The following GRXCR2 variants were observed in gnomAD, a reference collection of about 807,000 sequenced individuals.
The protein encoded by GRXCR2 is glutaredoxin and cysteine rich domain containing 2, also known as glutaredoxin domain-containing cysteine-rich protein 2.
A neutral mutation model predicts 24.8 loss-of-function variants in GRXCR2; 23 were observed. That is an observed-to-expected ratio of 0.93 (90% confidence interval 0.67 to 1.32). GRXCR2 has a LOEUF of 1.32. Among genes scored for constraint, GRXCR2 ranks in the 40% most tolerant of loss-of-function variants. GRXCR2 has a pLI of 0.00. For synonymous variants in GRXCR2, 130 were observed against 116.1 expected (o/e 1.12, Z -0.77); for missense variants, 315 against 303.4 (o/e 1.04, Z -0.28).
chr5:145,913,788 G>A (rs2149926372), intron 2 of GRXCR2, among the ~76,000 whole-genome samples: 1 of 152,226 alleles, frequency 6.6e-6, no homozygotes, highest in Non-Finnish European at 1.5e-5. Context: ...TTCCCAAAGT[G>A]CTGGGATTAC....
At chr5:145,870,252 C>T (rs1756507351) in intron 1 of GRXCR2, among the ~76,000 whole-genome samples, 2 of 152,084 alleles carry the variant, frequency 1.3e-5, no homozygotes, top group Admixed American at 6.6e-5. Context: ...CTGCCCCCAG[C>T]CCCTGCCAAC....
At chr5:145,923,430 T>C (rs1252327762) in intron 2 of GRXCR2, among the ~76,000 whole-genome samples, 3 of 152,188 alleles carry the variant, frequency 2.0e-5, no homozygotes, top group African/African-American at 7.2e-5. Context: ...ATCAAGCGGT[T>C]TCACATGACT....
At chr5:145,923,014 TCAC>T (rs532347946) in intron 2 of GRXCR2, among the ~76,000 whole-genome samples, 245 of 152,304 alleles carry the variant, frequency 1.6e-3, no homozygotes, top group Admixed American at 2.8e-3. Context: ...TGGCCCTGGA[TCAC>T]CACATCAGTG....
chr5:145,923,478 A>G (rs1225579748), intron 2 of GRXCR2, among the ~76,000 whole-genome samples: 1 of 152,234 alleles, frequency 6.6e-6, no homozygotes, highest in Admixed American at 6.5e-5. Flanking sequence ...TGGAAGTGAC[A>G]GAGAAGTAAA....
At chr5:145,911,733 A>G (rs1490989080) in intron 2 of GRXCR2, among the ~76,000 whole-genome samples, 2 of 152,168 alleles carry the variant, frequency 1.3e-5, no homozygotes, top group African/African-American at 2.4e-5. Flanking sequence ...CATAGAATGT[A>G]TTCTACTCCT....
chr5:145,930,773 A>C (rs6580395), intron 2 of GRXCR2, among the ~76,000 whole-genome samples: 28,606 of 152,158 alleles, frequency 0.19, 2,906 homozygotes, highest in Non-Finnish European at 0.23. Context: ...TTCTTTTATG[A>C]GATCTACTTA....
chr5:145,929,593 GTTTTACCAATTACTTGGA>G (rs1000531111), intron 2 of GRXCR2, among the ~76,000 whole-genome samples: 10 of 152,156 alleles, frequency 6.6e-5, no homozygotes, highest in South Asian at 2.1e-4. Flanking sequence ...TACAGTTACA[GTTTTACCAATTACTTGGA>G]TTTTACCAAT....
chr5:145,889,168 C>CAAAAA lies in GRXCR2; in HGVS notation c.-69-22445_-69-22441dup, dbSNP rs534124544. ...TGGGTGACAGACCGAGACTCTGTCT[C>CAAAAA]AAAAAAAGAAAGAAAGAAAGAAAGA... On this transcript the variant is annotated intron_variant, in intron 2 of 3. Coordinates refer to the GRXCR2 transcript ENST00000639411. Among the ~76,000 whole-genome samples the CAAAAA allele has an allele frequency of 7.2e-4, 40 of 55,266 alleles. 1 individual carries two copies. Among genetic ancestry groups the CAAAAA allele is most frequent in the African/African-American group, 2.4e-3 (38 of 15,704 alleles). 36.3% of individuals were successfully genotyped at this position (55,266 alleles called of 152,430 possible).
intron 2 of GRXCR2, among the ~76,000 whole-genome samples, chr5:145,927,964 C>A (rs111425059): frequency 3.9e-5 from 6 of 152,226 alleles, no homozygotes; most frequent in African/African-American, 1.2e-4. Flanking sequence ...AGTAAACAGG[C>A]AACCTACAGA....
chr5:145,874,006 C>T (rs982313195), upstream of GRXCR2, among the ~76,000 whole-genome samples: 28 of 152,056 alleles, frequency 1.8e-4, no homozygotes, highest in Admixed American at 1.2e-3. Context: ...TCTAAGGAGA[C>T]AAGGATGGAA....
At chr5:145,916,203 AACTG>A (rs1206888409) in intron 2 of GRXCR2, among the ~76,000 whole-genome samples, 1 of 152,166 alleles carries the variant, frequency 6.6e-6, no homozygotes, top group Admixed American at 6.5e-5. Context: ...GGAAGTGACA[AACTG>A]ACTGTACGTG....
intron 2 of GRXCR2, among the ~76,000 whole-genome samples, chr5:145,904,870 A>G (rs916920111): frequency 8.5e-5 from 13 of 152,130 alleles, no homozygotes; most frequent in African/African-American, 3.1e-4. Context: ...TGAGGACTTA[A>G]CTGGGGCTCT....
At chr5:145,868,027 T>C (rs988391610) in intron 1 of GRXCR2, among the ~76,000 whole-genome samples, 1 of 152,164 alleles carries the variant, frequency 6.6e-6, no homozygotes, top group African/African-American at 2.4e-5. Flanking sequence ...GCTTCTCTGC[T>C]GATTGAGCAA....
chr5:145,864,430 GA>G (rs1350213784), intron 2 of GRXCR2, among the ~76,000 whole-genome samples: 3 of 152,154 alleles, frequency 2.0e-5, no homozygotes, highest in Non-Finnish European at 4.4e-5. Flanking sequence ...TGAAAGCTTA[GA>G]GGGGGTGACT....
At chr5:145,898,632 C>T (rs141089734) in intron 2 of GRXCR2, among the ~76,000 whole-genome samples, 123 of 152,118 alleles carry the variant, frequency 8.1e-4, no homozygotes, top group African/African-American at 2.9e-3. Context: ...GTTCAACATA[C>T]ACAAGTAATA....
chr5:145,889,040 G>A (rs1756818743), intron 2 of GRXCR2, among the ~76,000 whole-genome samples: 1 of 151,916 alleles, frequency 6.6e-6, no homozygotes, highest in Admixed American at 6.6e-5. Flanking sequence ...CGGGCGTGGT[G>A]GCAGGCGCCT....
At chr5:145,864,972 A>C (rs899004343) in intron 2 of GRXCR2, among the ~76,000 whole-genome samples, 9 of 152,170 alleles carry the variant, frequency 5.9e-5, no homozygotes, top group Non-Finnish European at 1.2e-4. Context: ...GAGAGGTAGA[A>C]AGGAAGAGAG....
intron 1 of GRXCR2, among the ~76,000 whole-genome samples, chr5:145,870,956 A>T (rs899104088): frequency 2.6e-5 from 4 of 152,184 alleles, no homozygotes; most frequent in Non-Finnish European, 5.9e-5. Flanking sequence ...CTATAGTCCT[A>T]GCTACCAGAG....
At position 145,926,411 on chromosome 5, in the gene GRXCR2, G is replaced by A. The variant is rs368909486; in HGVS notation, c.-70+9290C>T. 1.1e-3 allele frequency among the ~76,000 whole-genome samples: 174 copies of A among 152,186 alleles called. 4 individuals carry two copies. The South Asian group carries it at 0.017, about 15-fold the overall frequency. On this transcript the variant is annotated intron_variant, in intron 2 of 3. Coordinates refer to the GRXCR2 transcript ENST00000639411. ...TCTTGAATTAATTTTTGTATAAGGCGTAAGGAAGGGATCCAGTTTCAGCTT... is the reference window on the plus strand; with the variant it reads ...TCTTGAATTAATTTTTGTATAAGGCATAAGGAAGGGATCCAGTTTCAGCTT...
Sources: gnomAD v4.1 joint callset for allele counts (sites outside exome capture counted in the v4.1 genomes callset) on GRCh38, gnomAD v4.1.1 for gene constraint, MANE v1.5 for transcripts, NCBI Gene and HGNC (gene_info 2026-07-23, HGNC 2026-07-21) for gene names.